The following NRXN1 variants were observed in gnomAD, a reference collection of about 807,000 sequenced individuals.
NRXN1 encodes the protein neurexin 1, also known as neurexin-1.
In NRXN1, 39 loss-of-function variants were observed where a neutral mutation model predicts 150.9. The observed-to-expected ratio is 0.26, with a 90% CI of 0.20 to 0.34. The LOEUF (loss-of-function observed/expected upper bound fraction) is 0.34. Ranked by LOEUF, NRXN1 falls within the 10% of genes least tolerant of loss-of-function variation. The probability of loss-of-function intolerance (pLI) is 1.00; values close to 1 mark genes in which losing one functional copy is unlikely to be tolerated. For synonymous variants in NRXN1, 924 were observed against 757.0 expected (o/e 1.22, Z -3.62); for missense variants, 1,815 against 1,949.9 (o/e 0.93, Z 1.30).
chr2:49,925,636 C>T (rs1442718809), intron 22 of NRXN1, among the ~76,000 whole-genome samples: 1 of 151,946 alleles, frequency 6.6e-6, no homozygotes, highest in Non-Finnish European at 1.5e-5. Context: ...ATTTTGCATT[C>T]CCTCTACACT....
intron 2 of NRXN1, among the ~76,000 whole-genome samples, chr2:50,981,431 C>A (rs1356130140): frequency 8.7e-6 from 1 of 115,086 alleles, no homozygotes; most frequent in Non-Finnish European, 1.6e-5. Flanking sequence ...GCAGTCCAGC[C>A]TGGGTGACAG....
intron 18 of NRXN1, among the ~76,000 whole-genome samples, chr2:50,155,670 C>T (rs1402051535): frequency 6.6e-6 from 1 of 151,470 alleles, no homozygotes; most frequent in Non-Finnish European, 1.5e-5. Context: ...ATACATGATG[C>T]ATATGTAGAA....
chr2:50,434,038 A>T (rs1329552893), intron 17 of NRXN1, among the ~76,000 whole-genome samples: 2 of 141,038 alleles, frequency 1.4e-5, no homozygotes, highest in Non-Finnish European at 3.0e-5. Context: ...TCCGGTATCT[A>T]AGCCATTTTT....
chr2:50,418,222 A>C (rs746715380), intron 17 of NRXN1, among the ~76,000 whole-genome samples: 47 of 152,090 alleles, frequency 3.1e-4, no homozygotes, highest in Middle Eastern at 3.4e-3. Flanking sequence ...GCCTCTTCTT[A>C]TATCTCTAAA....
chr2:50,521,213 G>A (rs745388715), intron 12 of NRXN1, among the ~76,000 whole-genome samples: 3 of 152,054 alleles, frequency 2.0e-5, no homozygotes, highest in Admixed American at 6.6e-5. Flanking sequence ...CTTAAATCAC[G>A]CATTTCAAAA....
intron 17 of NRXN1, among the ~76,000 whole-genome samples, chr2:50,412,791 A>G (rs2083282882): frequency 6.6e-6 from 1 of 152,182 alleles, no homozygotes; most frequent in Non-Finnish European, 1.5e-5. Flanking sequence ...CAATGATACA[A>G]TGATCTTATT....
intron 21 of NRXN1, among the ~76,000 whole-genome samples, chr2:49,967,675 T>C (rs751207353): frequency 9.9e-5 from 15 of 152,080 alleles, no homozygotes; most frequent in Non-Finnish European, 1.9e-4. Context: ...GATTGCTAGG[T>C]AGAGTGAAAT....
intron 17 of NRXN1, among the ~76,000 whole-genome samples, chr2:50,460,027 A>T (rs1197041876): frequency 6.6e-6 from 1 of 152,090 alleles, no homozygotes; most frequent in Non-Finnish European, 1.5e-5. Flanking sequence ...TTTGAATAGC[A>T]TTTAGTGATA....
At chr2:50,062,555 T>A (rs1452075114) in intron 19 of NRXN1, among the ~76,000 whole-genome samples, 1 of 152,098 alleles carries the variant, frequency 6.6e-6, no homozygotes, top group East Asian at 1.9e-4. Flanking sequence ...TTATTCTATA[T>A]GAACAAGCAG....
At chr2:50,756,778 A>G in intron 5 of NRXN1, among the ~76,000 whole-genome samples, 1 of 151,870 alleles carries the variant, frequency 6.6e-6, no homozygotes, top group Non-Finnish European at 1.5e-5. Context: ...TATGCACATA[A>G]AAGATTAAGT....
rs181801944 is a variant in NRXN1, at chr2:49,974,287, A to C, written c.4129-30496T>G. 4.0e-3 allele frequency: 2,244 copies of C among 556,508 alleles called. 25 individuals are homozygous for C. Among genetic ancestry groups the C allele is most frequent in the Non-Finnish European group, 1.9e-3 (546 of 292,046 alleles). 34.5% of individuals were successfully genotyped at this position (556,508 alleles called of 1,614,324 possible). A position where few individuals can be genotyped will look rare whatever the true frequency, so the allele number is the denominator to read the frequency against. Reference sequence around the variant, plus strand: ...GATGCTGCAGTTCCGTCTGCAGTTGACGAGGCTGTTGGTACACAGCCCAGC... The same window carrying C: ...GATGCTGCAGTTCCGTCTGCAGTTGCCGAGGCTGTTGGTACACAGCCCAGC... On this transcript the variant is annotated intron_variant, in intron 21 of 22. Transcript: ENST00000401669.
intron 5 of NRXN1, among the ~76,000 whole-genome samples, chr2:50,903,642 T>C (rs1351084086): frequency 6.6e-6 from 1 of 152,170 alleles, no homozygotes; most frequent in Non-Finnish European, 1.5e-5. Flanking sequence ...GGGGCTTACT[T>C]GTATCTTCTC....
chr2:49,990,243 C>G (rs1183882355), intron 21 of NRXN1, among the ~76,000 whole-genome samples: 1 of 151,952 alleles, frequency 6.6e-6, no homozygotes, highest in African/African-American at 2.4e-5. Flanking sequence ...CATTTCTGTC[C>G]CAGTGAATAA....
At chr2:50,964,999 G>A (rs1018408916) in intron 2 of NRXN1, among the ~76,000 whole-genome samples, 3 of 151,298 alleles carry the variant, frequency 2.0e-5, no homozygotes, top group Non-Finnish European at 3.0e-5. Flanking sequence ...TAAATTTTAA[G>A]AGCCAAGAAC....
chr2:50,910,887 T>C (rs1300824008), intron 5 of NRXN1, among the ~76,000 whole-genome samples: 1 of 151,904 alleles, frequency 6.6e-6, no homozygotes, highest in Non-Finnish European at 1.5e-5. Flanking sequence ...CCAAATGTGC[T>C]AAGGGCTTCC....
chr2:50,390,382 T>C (rs557669929), intron 17 of NRXN1, among the ~76,000 whole-genome samples: 2 of 152,322 alleles, frequency 1.3e-5, no homozygotes, highest in South Asian at 4.1e-4. Flanking sequence ...TGAAAACTTA[T>C]AATTTAAGAG....
chr2:50,934,071 G>A (rs1207166932), intron 2 of NRXN1, among the ~76,000 whole-genome samples: 1 of 151,902 alleles, frequency 6.6e-6, no homozygotes, highest in Non-Finnish European at 1.5e-5. Flanking sequence ...AAAATGTGTG[G>A]CAATACAATG....
intron 17 of NRXN1, among the ~76,000 whole-genome samples, chr2:50,456,399 G>A (rs770510870): frequency 5.9e-5 from 9 of 152,004 alleles, no homozygotes; most frequent in Non-Finnish European, 8.8e-5. Flanking sequence ...TATCACCTTT[G>A]TGCTTTATGC....
intron 5 of NRXN1, among the ~76,000 whole-genome samples, chr2:50,804,528 C>T (rs886068498): frequency 2.0e-5 from 3 of 152,112 alleles, no homozygotes; most frequent in African/African-American, 2.4e-5. Flanking sequence ...TCAAATATGC[C>T]GTCTTGTTTT....
Sources: gnomAD v4.1 joint callset for allele counts (sites outside exome capture counted in the v4.1 genomes callset) on GRCh38, gnomAD v4.1.1 for gene constraint, MANE v1.5 for transcripts, NCBI Gene and HGNC (gene_info 2026-07-23, HGNC 2026-07-21) for gene names.